RMDN2: variants seen among roughly 807,000 people sequenced by gnomAD.
RMDN2 encodes the protein regulator of microtubule dynamics 2.
A neutral mutation model predicts 52.8 loss-of-function variants in RMDN2; 61 were observed. That is an observed-to-expected ratio of 1.16 (90% confidence interval 0.94 to 1.43). The LOEUF (loss-of-function observed/expected upper bound fraction) is 1.43, where lower values mean the gene tolerates loss of function less well. Among genes scored for constraint, RMDN2 ranks in the 40% most tolerant of loss-of-function variants. The pLI, the probability that RMDN2 is intolerant of heterozygous loss-of-function variation, is 0.00. For synonymous variants in RMDN2, 180 were observed against 153.1 expected, an observed-to-expected ratio of 1.18 and a Z score of -1.30; for missense variants, 592 against 475.3, an observed-to-expected ratio of 1.25 and a Z score of -2.28.
chr2:37,960,309 T>C (rs183441857), intron 2 of RMDN2, among the ~76,000 whole-genome samples: 107 of 150,610 alleles, frequency 7.1e-4, no homozygotes, highest in Non-Finnish European at 1.3e-3. Flanking sequence ...GACCTTGCTT[T>C]ATGAATCTGG....
At chr2:38,022,772 G>C (rs2125260354) in intron 10 of RMDN2, among the ~76,000 whole-genome samples, 1 of 152,256 alleles carries the variant, frequency 6.6e-6, no homozygotes, top group South Asian at 2.1e-4. Flanking sequence ...CTTTTCATTT[G>C]ATAATATTTT....
In RMDN2 at chr2:38,012,905, T is replaced by C. The variant is rs934979939; in HGVS notation, c.1180-4281T>C. On this transcript the variant is annotated intron_variant, in intron 10 of 10. Transcript: ENST00000354545. ...TCTTTCTTGTGGCATTTATAGCTTC[T>C]TCCTTGCATTATAGGCATTTGTGGA... 5.3e-5 allele frequency among the ~76,000 whole-genome samples: 8 copies of C among 152,256 alleles called. No individual in the cohort carries two copies. In the South Asian group the frequency reaches 1.0e-3, roughly 20 times the overall value.
chr2:37,977,076 C>G (rs138293530), intron 4 of RMDN2, among the ~76,000 whole-genome samples: 23,301 of 152,092 alleles, frequency 0.15, 1,868 homozygotes, highest in Non-Finnish European at 0.16. Context: ...CTTCAAGCAT[C>G]TGTTTAACAA....
chr2:38,060,166 C>T (rs1045030995), intron 10 of RMDN2, among the ~76,000 whole-genome samples: 9 of 151,458 alleles, frequency 5.9e-5, no homozygotes, highest in Admixed American at 3.3e-4. Context: ...AGGATGGTCT[C>T]GATCTCCTGA....
intron 5 of RMDN2, among the ~76,000 whole-genome samples, chr2:37,984,179 G>T (rs1271991340): frequency 1.3e-5 from 2 of 152,148 alleles, no homozygotes; most frequent in Non-Finnish European, 2.9e-5. Flanking sequence ...TTTCTAAAAT[G>T]AAATGACTTT....
chr2:37,963,218 G>C (rs147344702), intron 2 of RMDN2: 2 of 151,710 alleles, frequency 1.3e-5, no homozygotes, highest in Non-Finnish European at 2.9e-5. Flanking sequence ...GAAAACAGTC[G>C]ATCTGTGGTT....
chr2:38,065,817 T>G (rs1307301802), intron 10 of RMDN2, among the ~76,000 whole-genome samples: 3 of 152,238 alleles, frequency 2.0e-5, no homozygotes, highest in African/African-American at 7.2e-5. Flanking sequence ...CATGACTGCT[T>G]GTTTGTTTGG....
intron 10 of RMDN2, among the ~76,000 whole-genome samples, chr2:38,028,339 T>C (rs966277140): frequency 6.6e-6 from 1 of 152,232 alleles, no homozygotes; most frequent in African/African-American, 2.4e-5. Context: ...TTTATTATTA[T>C]TTATTGACTG....
chr2:38,066,904 T>C, intron 10 of RMDN2: 1 of 1,411,012 alleles, frequency 7.1e-7, no homozygotes. Flanking sequence ...TTCTGGCTGC[T>C]AAAGTGAGGT....
At chr2:37,939,489 G>A (rs1409082324) in intron 2 of RMDN2, among the ~76,000 whole-genome samples, 1 of 152,034 alleles carries the variant, frequency 6.6e-6, no homozygotes, top group East Asian at 1.9e-4. Context: ...TTGACAGTGG[G>A]GTGTTAAATT....
intron 2 of RMDN2, among the ~76,000 whole-genome samples, chr2:37,963,392 A>G (rs945690065): frequency 1.2e-4 from 18 of 150,254 alleles, no homozygotes; most frequent in African/African-American, 4.4e-4. Flanking sequence ...TCATAGGACA[A>G]TAGTGGAGGG....
intron 10 of RMDN2, among the ~76,000 whole-genome samples, chr2:38,026,136 A>G (rs1377597472): frequency 5.9e-5 from 9 of 152,104 alleles, no homozygotes; most frequent in Admixed American, 1.3e-4. Flanking sequence ...CTTTTAAGAG[A>G]TACAGGGCTA....
chr2:37,974,350 AC>A (rs957127610), intron 3 of RMDN2, 136 bp downstream of exon 3: 76 of 523,240 alleles, frequency 1.5e-4, no homozygotes, highest in African/African-American at 1.4e-3. Context: ...CTATAAAATG[AC>A]TAAAATTTTT....
intron 2 of RMDN2, among the ~76,000 whole-genome samples, chr2:37,932,073 A>T (rs1030186422): frequency 6.6e-6 from 1 of 152,102 alleles, no homozygotes; most frequent in Non-Finnish European, 1.5e-5. Flanking sequence ...TTATTTATTT[A>T]TTTTTTTAAT....
At chr2:37,950,180 G>T (rs1428246380) in intron 2 of RMDN2, 5 of 324,874 alleles carry the variant, frequency 1.5e-5, no homozygotes, top group East Asian at 7.1e-5. Context: ...TAGTACAGGG[G>T]TGTGGAAGGC....
At position 37,930,525 on chromosome 2, in the gene RMDN2, G is replaced by T. The variant is rs1312811981; in HGVS notation, c.452+796G>T. Among the ~76,000 whole-genome samples, 3 of 152,204 alleles carry T rather than the reference G, an allele frequency of 2.0e-5. No individual in the cohort carries two copies. In the East Asian group the frequency reaches 5.8e-4, roughly 29 times the overall value. ...GAGGGGCACCCCAAGGGGCAGCCCA[G>T]GGACTTAAATACAAGCTGGAGGGCA... On this transcript the variant is annotated intron_variant, in intron 2 of 10. Transcript: ENST00000354545.
intron 2 of RMDN2, among the ~76,000 whole-genome samples, chr2:37,963,573 C>T (rs1184175990): frequency 2.0e-5 from 3 of 152,144 alleles, no homozygotes; most frequent in South Asian, 2.1e-4. Flanking sequence ...TCTTGCACTG[C>T]CCTTAATCCA....
intron 10 of RMDN2, among the ~76,000 whole-genome samples, chr2:38,014,244 A>G (rs1319236593): frequency 1.3e-5 from 2 of 152,314 alleles, no homozygotes; most frequent in East Asian, 3.9e-4. Context: ...ATTACAGTAT[A>G]GATAGTATAG....
At chr2:37,963,698 G>A (rs531093583) in intron 2 of RMDN2, among the ~76,000 whole-genome samples, 225 of 152,288 alleles carry the variant, frequency 1.5e-3, no homozygotes, top group African/African-American at 4.9e-3. Flanking sequence ...ACAAAATGGA[G>A]TCTCCTATGT....
Sources: gnomAD v4.1 joint callset for allele counts (sites outside exome capture counted in the v4.1 genomes callset) on GRCh38, gnomAD v4.1.1 for gene constraint, MANE v1.5 for transcripts, NCBI Gene and HGNC (gene_info 2026-07-23, HGNC 2026-07-21) for gene names.